The following CTDP1 variants were observed in gnomAD, a reference collection of about 807,000 sequenced individuals.
CTDP1 encodes the protein RNA polymerase II subunit A C-terminal domain phosphatase.
Under a neutral mutation model 91.8 loss-of-function variants are expected in CTDP1, and 47 were observed. The observed-to-expected ratio is 0.51, with a 90% CI of 0.41 to 0.65. CTDP1 has a LOEUF of 0.65. Ranked by LOEUF, CTDP1 falls within the 30% of genes least tolerant of loss-of-function variation. The pLI is 0.00. For synonymous variants in CTDP1, 656 were observed against 598.5 expected (o/e 1.10, Z -1.40); for missense variants, 1,272 against 1,373.7 (o/e 0.93, Z 1.17).
chr18:79,679,422 C>T (rs1176070506), upstream of CTDP1: 15 of 456,128 alleles, frequency 3.3e-5, no homozygotes, highest in East Asian at 8.3e-4. Flanking sequence ...AGGAGAGCGG[C>T]TCGCGGTGCA....
At chr18:79,727,248 G>A (rs1330664843) in intron 10 of CTDP1, among the ~76,000 whole-genome samples, 2 of 152,242 alleles carry the variant, frequency 1.3e-5, no homozygotes, top group African/African-American at 4.8e-5. Context: ...AGTGCAGTTG[G>A]CCCTTTGAAC....
At position 79,680,553 on chromosome 18, in the gene CTDP1, C is replaced by T. The variant is rs182639315; in HGVS notation, c.314+292C>T. Among the ~76,000 whole-genome samples the T allele has an allele frequency of 2.3e-3, 357 of 152,372 alleles. 1 individual carries two copies. Among genetic ancestry groups the T allele is most frequent in the African/African-American group, 7.8e-3 (326 of 41,586 alleles). Reference sequence around the variant, plus strand: ...TCTGCAGTGATAGTCCCCGCCCCTTCCTTTAGCTCCACCTTTGTGACTTAG... The same window carrying T: ...TCTGCAGTGATAGTCCCCGCCCCTTTCTTTAGCTCCACCTTTGTGACTTAG... On this transcript the variant is annotated intron_variant, in intron 1 of 12. Transcript: ENST00000613122.
intron 6 of CTDP1, among the ~76,000 whole-genome samples, 167 bp downstream of exon 6, chr18:79,710,603 C>T (rs1429451637): frequency 6.6e-6 from 1 of 151,674 alleles, no homozygotes; most frequent in Non-Finnish European, 1.5e-5. Flanking sequence ...TCACTGCAAG[C>T]TCTGCTTCCA....
At chr18:79,734,852 C>T (rs1050916122) in intron 11 of CTDP1, among the ~76,000 whole-genome samples, 2 of 152,216 alleles carry the variant, frequency 1.3e-5, no homozygotes, top group Non-Finnish European at 2.9e-5. Flanking sequence ...TAACCAGATG[C>T]TCTTATTAAA....
At chr18:79,725,383 G>T (rs969368160) in intron 10 of CTDP1, among the ~76,000 whole-genome samples, 1 of 152,082 alleles carries the variant, frequency 6.6e-6, no homozygotes, top group Non-Finnish European at 1.5e-5. Context: ...GAGACCGTCT[G>T]GTCCTGGAGA....
chr18:79,710,735 C>T (rs114292206), intron 6 of CTDP1, among the ~76,000 whole-genome samples: 1,913 of 111,448 alleles, frequency 0.017, 50 homozygotes, highest in African/African-American at 0.061. Flanking sequence ...TTAGTACAGA[C>T]GGTGGTTTCA....
intron 1 of CTDP1, chr18:79,685,528 C>T (rs985338467): frequency 6.6e-5 from 10 of 152,034 alleles, no homozygotes; most frequent in Non-Finnish European, 1.3e-4. Context: ...CATTCACCAG[C>T]GCAGGGTGTG....
intron 11 of CTDP1, among the ~76,000 whole-genome samples, chr18:79,735,405 G>A (rs1188914663): frequency 6.6e-6 from 1 of 152,252 alleles, no homozygotes; most frequent in Non-Finnish European, 1.5e-5. Context: ...CAACGTCGGA[G>A]AGCTGTGAGC....
intron 10 of CTDP1, among the ~76,000 whole-genome samples, chr18:79,723,287 A>C (rs1299592060): frequency 6.6e-6 from 1 of 152,096 alleles, no homozygotes; most frequent in Non-Finnish European, 1.5e-5. Context: ...CCCGTGCCTG[A>C]GTGGCCCCAG....
intron 3 of CTDP1, 66 bp from the exon 4 acceptor site, chr18:79,697,794 A>C: frequency 6.2e-7 from 1 of 1,606,488 alleles, no homozygotes; most frequent in African/African-American, 1.3e-5. Context: ...TTTCTCGATG[A>C]AATGGAGTTT....
intron 10 of CTDP1, among the ~76,000 whole-genome samples, chr18:79,728,441 C>T (rs36073957): frequency 0.3 from 46,240 of 152,126 alleles, 8,345 homozygotes; most frequent in East Asian, 0.41. Flanking sequence ...TCTGTTTTGT[C>T]ACTTGGCCGT....
At position 79,713,019 on chromosome 18, in the gene CTDP1, GAGA is replaced by G; in HGVS notation, c.915_917del (p.Glu305del). On this transcript the variant is annotated inframe_deletion, in exon 7 of 13. Transcript: ENST00000613122. The surrounding 1 kb of genome is among the most constrained non-coding windows in gnomAD (Gnocchi z 4.7). The stretch of plus-strand genomic sequence containing the variant: ...TCAATGGTTTGCATTATTGATGATC[GAGA>G]AGATGTCTGGAAGTTTGCCCCCAAT... 1 of 1,613,992 alleles carries G rather than the reference GAGA, an allele frequency of 6.2e-7. No homozygotes were observed. Among genetic ancestry groups the G allele is most frequent in the Non-Finnish European group, 8.5e-7 (1 of 1,179,978 alleles).
intron 1 of CTDP1, chr18:79,680,747 C>T (rs1249536963): frequency 6.6e-6 from 1 of 152,614 alleles, no homozygotes; most frequent in African/African-American, 2.4e-5. Context: ...ACGGGCGGAA[C>T]CCAGGCCTGC....
chr18:79,725,940 AC>A (rs2086436302), intron 10 of CTDP1, among the ~76,000 whole-genome samples: 1 of 152,050 alleles, frequency 6.6e-6, no homozygotes, highest in Non-Finnish European at 1.5e-5. Flanking sequence ...ACTGCCTTCC[AC>A]GTTTTTCTCT....
intron 10 of CTDP1, among the ~76,000 whole-genome samples, chr18:79,720,017 C>T (rs1568201096): frequency 1.4e-5 from 2 of 144,444 alleles, no homozygotes; most frequent in African/African-American, 5.2e-5. Context: ...GTTAGGAAGG[C>T]GTCCTGGTGA....
chr18:79,701,830 G>A (rs141944807), intron 4 of CTDP1, among the ~76,000 whole-genome samples: 28 of 152,300 alleles, frequency 1.8e-4, no homozygotes, highest in Non-Finnish European at 3.5e-4. Context: ...AGACCCCAGC[G>A]GAGGAAGGAG....
At chr18:79,751,844 G>A (rs1263222862) in intron 12 of CTDP1, among the ~76,000 whole-genome samples, 1 of 152,166 alleles carries the variant, frequency 6.6e-6, no homozygotes, top group Non-Finnish European at 1.5e-5. Context: ...TTGTATCTAC[G>A]TTAGCTAAGA....
intron 11 of CTDP1, chr18:79,736,064 C>T: frequency 4.2e-6 from 2 of 478,986 alleles, no homozygotes; most frequent in Non-Finnish European, 7.6e-6. Flanking sequence ...TAAAATCCAA[C>T]AGTGCACCAG....
intron 12 of CTDP1, among the ~76,000 whole-genome samples, chr18:79,744,851 G>A (rs116275641): frequency 6.6e-6 from 1 of 152,210 alleles, no homozygotes; most frequent in African/African-American, 2.4e-5. Context: ...GACCAGTCCT[G>A]AAGCTCTTAC....
Sources: allele counts gnomAD v4.1 joint callset (sites outside exome capture counted in the v4.1 genomes callset), GRCh38; gene constraint gnomAD v4.1.1; non-coding constraint Gnocchi (gnomAD v3.1); transcripts MANE v1.5; gene names NCBI Gene and HGNC (gene_info 2026-07-23, HGNC 2026-07-21).